TPP2: variants seen among roughly 807,000 people sequenced by gnomAD.
TPP2 encodes the protein tripeptidyl-peptidase 2.
In TPP2, 34 loss-of-function variants were observed where a neutral mutation model predicts 155.9. The ratio of observed to expected loss-of-function variants is 0.22; its 90% CI spans 0.17 to 0.29. The LOEUF (loss-of-function observed/expected upper bound fraction) is 0.29, where lower values mean the gene tolerates loss of function less well. Ranked by LOEUF, TPP2 falls within the 10% of genes least tolerant of loss-of-function variation. TPP2 has a pLI of 1.00. For synonymous variants in TPP2, 510 were observed against 529.4 expected, an observed-to-expected ratio of 0.96 and a Z score of 0.50; for missense variants, 1,028 against 1,522.3, an observed-to-expected ratio of 0.68 and a Z score of 5.40.
rs776688774 is a variant in TPP2, at chr13:102,676,424, T to G, written c.3699+9T>G. 1 of 1,607,266 alleles carries G rather than the reference T, an allele frequency of 6.2e-7. No individual in the cohort carries two copies. The highest frequency in any genetic ancestry group is 8.5e-7 in the Non-Finnish European group (1 of 1,175,646). ...GGAAAAATTGTATTCAAGTAAGTGA[T>G]ATTTAAAATGTCACTGTTAAGCATC... On this transcript the variant is annotated intron_variant, in intron 29 of 29. Transcript: ENST00000376052.
intron 19 of TPP2, 149 bp downstream of exon 19, chr13:102,645,158 C>A: frequency 2.8e-6 from 2 of 723,156 alleles, no homozygotes; most frequent in Non-Finnish European, 4.4e-6. Flanking sequence ...TGCAAGGCAG[C>A]CCCAGTATCA....
intron 26 of TPP2, among the ~76,000 whole-genome samples, chr13:102,664,425 G>T (rs1314208257): frequency 1.3e-5 from 2 of 151,742 alleles, no homozygotes; most frequent in Non-Finnish European, 2.9e-5. Flanking sequence ...CAGGTAGTGT[G>T]CAACTAGAGT....
chr13:102,601,626 G>A (rs1879436710), intron 1 of TPP2, among the ~76,000 whole-genome samples: 1 of 152,152 alleles, frequency 6.6e-6, no homozygotes, highest in Admixed American at 6.5e-5. Flanking sequence ...AACTGCCCAT[G>A]CTTTCAGTCC....
intron 16 of TPP2, among the ~76,000 whole-genome samples, chr13:102,641,191 T>C (rs1882744420): frequency 6.6e-6 from 1 of 152,168 alleles, no homozygotes. Flanking sequence ...GAGCTGTGGG[T>C]GTACCATATT....
intron 1 of TPP2, among the ~76,000 whole-genome samples, 195 bp downstream of exon 1, chr13:102,597,398 G>A (rs1442600766): frequency 6.6e-6 from 1 of 152,164 alleles, no homozygotes; most frequent in Admixed American, 6.5e-5. Flanking sequence ...ACTCAACGGC[G>A]CACAGTGCCA....
chr13:102,673,546 G>A (rs923226017), intron 27 of TPP2, among the ~76,000 whole-genome samples: 10 of 152,222 alleles, frequency 6.6e-5, no homozygotes, highest in Middle Eastern at 3.4e-3. Flanking sequence ...ATTCTGTGCC[G>A]GGCATTGTCC....
At chr13:102,608,013 A>G (rs570404331) in intron 2 of TPP2, 1 of 152,558 alleles carries the variant, frequency 6.6e-6, no homozygotes, top group East Asian at 1.9e-4. Flanking sequence ...AAATAAAGTC[A>G]AAAAAATTAT....
intron 27 of TPP2, among the ~76,000 whole-genome samples, chr13:102,668,861 A>G (rs587250): frequency 0.66 from 100,957 of 152,024 alleles, 33,721 homozygotes; most frequent in Middle Eastern, 0.7. Context: ...GTTTTCTTCA[A>G]CATCTCCCAG....
chr13:102,662,401 G>A (rs1884291607), intron 25 of TPP2, among the ~76,000 whole-genome samples: 1 of 152,128 alleles, frequency 6.6e-6, no homozygotes, highest in Admixed American at 6.5e-5. Context: ...TGGGAAAATT[G>A]TATGGAGAAA....
At chr13:102,601,393 CT>C (rs1463921714) in intron 1 of TPP2, among the ~76,000 whole-genome samples, 16 of 152,108 alleles carry the variant, frequency 1.1e-4, no homozygotes, top group Non-Finnish European at 7.4e-5. Context: ...AATGTCCTAC[CT>C]TTTGTTCTGG....
rs141636494 is a variant in TPP2, at chr13:102,637,695, C to T, written c.1836+456C>T. On this transcript the variant is annotated intron_variant, in intron 14 of 29. Transcript: ENST00000376052. ...CCTCCTGAGTAGCTAGGACTAGTGGCGTGCACCACCAAGCCTGGCTAAATT... is the reference window on the plus strand; with the variant it reads ...CCTCCTGAGTAGCTAGGACTAGTGGTGTGCACCACCAAGCCTGGCTAAATT... Among the ~76,000 whole-genome samples, 502 of 152,176 alleles carry T rather than the reference C, an allele frequency of 3.3e-3. 3 individuals are homozygous for T. The highest frequency in any genetic ancestry group is 7.3e-3 in the South Asian group (35 of 4,816).
chr13:102,640,188 TTTTGCGTTTATCCAATGAAA>T, intron 15 of TPP2, 62 bp from the exon 16 acceptor site: 1 of 1,030,392 alleles, frequency 9.7e-7, no homozygotes, highest in African/African-American at 1.7e-5. Context: ...TGAATTGTTA[TTTTGCGTTTATCCAATGAAA>T]TCTAGAGTAT....
chr13:102,630,076 T>C lies in TPP2; in HGVS notation c.1145-20T>C, dbSNP rs1881918406. 6.2e-7 allele frequency: 1 copy of C among 1,604,694 alleles called. No individual in the cohort carries two copies. The highest frequency in any genetic ancestry group is 8.5e-7 in the Non-Finnish European group (1 of 1,174,608). On this transcript the variant is annotated intron_variant, in intron 9 of 29. Transcript: ENST00000376052. Reference sequence around the variant, plus strand: ...ATCCCCGTTTGTTTTCTTTTCTTAATGATTAAATCCATCCCACAGGTGTTG... The same window carrying C: ...ATCCCCGTTTGTTTTCTTTTCTTAACGATTAAATCCATCCCACAGGTGTTG...
At position 102,644,499 on chromosome 13, in the gene TPP2, A is replaced by C. The variant is rs1882973435; in HGVS notation, c.2176-58A>C. 2.8e-6 allele frequency: 4 copies of C among 1,410,302 alleles called. No individual in the cohort carries two copies. The Admixed American group carries it at 8.0e-5, about 28-fold the overall frequency. The allele number at this position is 1,410,302 out of a possible 1,614,324, so 87.4% of individuals were successfully genotyped here. On this transcript the variant is annotated intron_variant, in intron 17 of 29. Transcript: ENST00000376052. ...TTGCTCTGAAACAGCTAGTATTTAT[A>C]TTCTGTAATTTGAGAAAAATAAGAA...
intron 27 of TPP2, among the ~76,000 whole-genome samples, chr13:102,668,624 T>A (rs181703101): frequency 2.0e-5 from 3 of 152,260 alleles, no homozygotes; most frequent in African/African-American, 7.2e-5. Flanking sequence ...AGTTACTTTA[T>A]TGGAGGCTGG....
At chr13:102,618,189 G>A (rs1477332052) in intron 4 of TPP2, among the ~76,000 whole-genome samples, 1 of 152,152 alleles carries the variant, frequency 6.6e-6, no homozygotes, top group African/African-American at 2.4e-5. Flanking sequence ...TGACCACAGA[G>A]CTAAAATAAG....
chr13:102,614,138 A>T lies in TPP2; in HGVS notation c.332A>T (p.His111Leu), dbSNP rs1230642153. 6.2e-7 allele frequency: 1 copy of T among 1,613,632 alleles called. No homozygotes were observed. The change falls in exon 3 of 30, where the codon CAT (histidine) becomes CTT (leucine). Residue 111 changes from histidine (H) to leucine (L), a missense_variant. Coordinates refer to ENST00000376052, the MANE Select transcript of TPP2 (RefSeq NM_001330588.2). Reference sequence around the variant, plus strand: ...TGGACAAATCCCTCAGGCAAATATCATATTGGCATAAAAAATGGCTATGAC... The same window carrying T: ...TGGACAAATCCCTCAGGCAAATATCTTATTGGCATAAAAAATGGCTATGAC... Reference protein sequence around the residue: ...ASWTNPSGKYHIGIKNGYDFY... With the variant: ...ASWTNPSGKYLIGIKNGYDFY...
chr13:102,677,197 C>T (rs1000261228), intron 29 of TPP2, among the ~76,000 whole-genome samples: 2 of 152,158 alleles, frequency 1.3e-5, no homozygotes, highest in African/African-American at 4.8e-5. Flanking sequence ...TAAATTAGCT[C>T]CTCCAGATCT....
chr13:102,616,302 CA>C, intron 3 of TPP2, 93 bp from the exon 4 acceptor site: 1 of 1,038,642 alleles, frequency 9.6e-7, no homozygotes, highest in Non-Finnish European at 1.4e-6. Flanking sequence ...TGTAGTATCA[CA>C]ACTGTACCAA....
Sources: allele counts gnomAD v4.1 joint callset (sites outside exome capture counted in the v4.1 genomes callset), GRCh38; gene constraint gnomAD v4.1.1; transcripts MANE v1.5; gene names NCBI Gene and HGNC (gene_info 2026-07-23, HGNC 2026-07-21).